NFIA: variants seen among roughly 807,000 people sequenced by gnomAD.
The protein encoded by NFIA is nuclear factor 1 A-type.
In NFIA, 8 loss-of-function variants were observed where a neutral mutation model predicts 62.8. The ratio of observed to expected loss-of-function variants is 0.13; its 90% CI spans 0.07 to 0.23. The LOEUF is 0.23. Among genes scored for constraint, NFIA ranks in the 10% least tolerant of loss-of-function variants. NFIA has a pLI of 1.00. For missense variants in NFIA, 410 were observed against 642.1 expected, an observed-to-expected ratio of 0.64 and a Z score of 3.91; for synonymous variants, 235 against 238.1, an observed-to-expected ratio of 0.99 and a Z score of 0.12.
chr1:61,141,082 T>A (rs1040896389), intron 2 of NFIA, among the ~76,000 whole-genome samples: 1 of 151,036 alleles, frequency 6.6e-6, no homozygotes, highest in African/African-American at 2.4e-5. Context: ...GACGGGCAGT[T>A]GAAGAAGGCA....
chr1:61,449,414 C>T (rs1357005961), intron 10 of NFIA, among the ~76,000 whole-genome samples: 1 of 152,210 alleles, frequency 6.6e-6, no homozygotes, highest in Non-Finnish European at 1.5e-5. Flanking sequence ...AGATAGCCAG[C>T]TTGCCTGGGA....
chr1:61,115,162 G>A (rs1370967912), intron 2 of NFIA, among the ~76,000 whole-genome samples: 1 of 152,082 alleles, frequency 6.6e-6, no homozygotes, highest in African/African-American at 2.4e-5. Flanking sequence ...TGTATTTTTA[G>A]CAGAGACGGG....
chr1:61,245,665 A>T (rs1655592498), intron 2 of NFIA, among the ~76,000 whole-genome samples: 1 of 152,152 alleles, frequency 6.6e-6, no homozygotes, highest in African/African-American at 2.4e-5. Context: ...ACTGTTAAAT[A>T]TATAGATATC....
chr1:61,139,434 T>C (rs1002071088), intron 2 of NFIA, among the ~76,000 whole-genome samples: 4 of 152,200 alleles, frequency 2.6e-5, no homozygotes, highest in Admixed American at 6.5e-5. Flanking sequence ...TAGCCGACTC[T>C]TAATCCAGGT....
intron 2 of NFIA, among the ~76,000 whole-genome samples, chr1:61,212,843 G>A (rs1273735184): frequency 1.3e-5 from 2 of 152,304 alleles, no homozygotes; most frequent in South Asian, 2.1e-4. Flanking sequence ...GTGGATAATC[G>A]AAAGTAGACC....
intron 2 of NFIA, among the ~76,000 whole-genome samples, chr1:61,127,160 C>CAA (rs571548416): frequency 2.0e-4 from 19 of 96,612 alleles, no homozygotes; most frequent in East Asian, 3.1e-4. Context: ...ACTCCCATCT[C>CAA]AAAAAAAAAA....
At chr1:61,090,775 C>G (rs999655801) in intron 2 of NFIA, among the ~76,000 whole-genome samples, 3 of 152,098 alleles carry the variant, frequency 2.0e-5, no homozygotes, top group Admixed American at 6.5e-5. Flanking sequence ...AAATGTTTGG[C>G]CATTGGTTTT....
At position 61,177,883 on chromosome 1, in the gene NFIA, G is replaced by A. The variant is rs184648633; in HGVS notation, c.559+89203G>A. Among the ~76,000 whole-genome samples, 470 of 152,234 alleles carry A rather than the reference G, an allele frequency of 3.1e-3. 4 individuals carry two copies. In the South Asian group the frequency reaches 0.033, roughly 11 times the overall value. ...TTTCTCCCACACAGTAGCCACTCTT[G>A]CAAATCAACCTTGGGAAGTTAGCAT... On this transcript the variant is annotated intron_variant, in intron 2 of 10. Transcript: ENST00000403491.
intron 1 of NFIA, among the ~76,000 whole-genome samples, chr1:61,086,786 TTAA>T (rs1353636703): frequency 2.0e-5 from 3 of 152,200 alleles, no homozygotes; most frequent in African/African-American, 7.2e-5. Context: ...AGTAATTGTG[TTAA>T]TAATAATATT....
intron 2 of NFIA, among the ~76,000 whole-genome samples, chr1:61,089,381 A>G (rs989784772): frequency 1.3e-5 from 2 of 151,918 alleles, no homozygotes; most frequent in African/African-American, 4.8e-5. Flanking sequence ...AAAATCTTAA[A>G]TTTTTTTTCT....
chr1:61,319,532 GTGTC>G (rs774491056), intron 3 of NFIA, among the ~76,000 whole-genome samples: 18 of 152,070 alleles, frequency 1.2e-4, no homozygotes, highest in African/African-American at 3.6e-4. Context: ...GTGTCTGTGT[GTGTC>G]TGTCTGTTTG....
chr1:61,156,029 G>A lies in NFIA; in HGVS notation c.559+67349G>A, dbSNP rs141569985. Among the ~76,000 whole-genome samples the A allele has an allele frequency of 8.7e-4, 133 of 152,274 alleles. 1 individual carries two copies. The East Asian group carries it at 0.021, about 24-fold the overall frequency. On this transcript the variant is annotated intron_variant, in intron 2 of 10. Transcript: ENST00000403491. The stretch of plus-strand genomic sequence containing the variant: ...GTGCGCCTGTAGTCCCAGCTACTCG[G>A]AGGCTGTGACAGGAGAACTGTTTGA...
chr1:61,419,508 T>C (rs962330155), intron 9 of NFIA, among the ~76,000 whole-genome samples: 3 of 152,198 alleles, frequency 2.0e-5, no homozygotes, highest in Non-Finnish European at 4.4e-5. Flanking sequence ...TGCACAGATT[T>C]TGGTAACATA....
chr1:61,316,037 G>T (rs1042677541), intron 3 of NFIA, among the ~76,000 whole-genome samples: 5 of 152,088 alleles, frequency 3.3e-5, no homozygotes, highest in Non-Finnish European at 7.3e-5. Context: ...GTACTCTCTC[G>T]TCCACATACG....
Position 61,298,982 on chromosome 1 carries a change from G to C in NFIA, c.625+21397G>C, listed in dbSNP as rs531119015. Among the ~76,000 whole-genome samples the C allele has an allele frequency of 2.6e-5, 4 of 152,232 alleles. No homozygotes were observed. In the South Asian group the frequency reaches 8.3e-4, roughly 32 times the overall value. ...CATACTGCTCACTTGTGTTTGTAGA[G>C]TAGTTATTTTGAAATTTTTGAGACC... is the stretch of plus-strand genomic sequence containing the variant. On this transcript the variant is annotated intron_variant, in intron 3 of 10. Coordinates refer to ENST00000403491, the MANE Select transcript of NFIA (RefSeq NM_001134673.4).
Position 61,456,804 on chromosome 1 carries a change from A to AAC in NFIA, c.*1486_*1487dup, listed in dbSNP as rs1491095666. 1.6e-5 allele frequency: 2 copies of AAC among 127,050 alleles called. No homozygotes were observed. The highest frequency in any genetic ancestry group is 3.1e-5 in the African/African-American group (1 of 32,268). The allele number at this position is 127,050 out of a possible 1,614,324, so 7.9% of individuals were successfully genotyped here. On this transcript the variant is annotated 3_prime_UTR_variant, in exon 11 of 11. Transcript: ENST00000403491. ...ACGTCCTGTATCTTATGAAAAAAAA[A>AAC]ACAAAAAACAAAAACAAAAAAAAAA...
chr1:61,082,002 G>A, upstream of NFIA: 34 of 1,550,284 alleles, frequency 2.2e-5, no homozygotes, highest in Non-Finnish European at 2.9e-5. Flanking sequence ...CGGTGGCCCG[G>A]GGGGTGCGGG....
In NFIA at chr1:61,455,476, C is replaced by A; in HGVS notation, c.*156C>A. On this transcript the variant is annotated 3_prime_UTR_variant, in exon 11 of 11. Transcript: ENST00000403491. ...TCAACTTGTACATGGAAACAGCAAG[C>A]ATTATGGTCAAACAGCAAAGGCCAT... 3 of 1,223,014 alleles carry A rather than the reference C, an allele frequency of 2.5e-6. No homozygotes were observed. The highest frequency in any genetic ancestry group is 1.3e-5 in the South Asian group (1 of 74,628). 75.8% of individuals were successfully genotyped at this position (1,223,014 alleles called of 1,614,324 possible). A position where few individuals can be genotyped will look rare whatever the true frequency, so the allele number is the denominator to read the frequency against.
In NFIA at chr1:61,164,888, C is replaced by A. The variant is rs191755107; in HGVS notation, c.559+76208C>A. 5.9e-3 allele frequency among the ~76,000 whole-genome samples: 901 copies of A among 152,242 alleles called. 16 individuals carry two copies. The highest frequency in any genetic ancestry group is 0.02 in the African/African-American group (825 of 41,536). ...CTCAACATGAAACCCAACTGCAGGA[C>A]CTGAAGACCCTGTGGCCTGCAGTAT... is the stretch of plus-strand genomic sequence containing the variant. On this transcript the variant is annotated intron_variant, in intron 2 of 10. Transcript: ENST00000403491.
Sources: gnomAD v4.1 joint callset for allele counts (sites outside exome capture counted in the v4.1 genomes callset) on GRCh38, gnomAD v4.1.1 for gene constraint, MANE v1.5 for transcripts, NCBI Gene and HGNC (gene_info 2026-07-23, HGNC 2026-07-21) for gene names.